The following FAM221A variants were observed in gnomAD, a reference collection of about 807,000 sequenced individuals.
FAM221A encodes the protein protein FAM221A.
FAM221A carries 43 observed loss-of-function variants against 37.6 expected under a neutral mutation model. That is an observed-to-expected ratio of 1.15 (90% CI 0.90 to 1.48). The LOEUF is 1.48. Ranked by LOEUF, FAM221A falls within the 40% of genes most tolerant of loss-of-function variation. The pLI is 0.00. For missense variants in FAM221A, 361 were observed against 361.5 expected (o/e 1.00, Z 0.01); for synonymous variants, 135 against 132.9 (o/e 1.02, Z -0.11).
rs1386533372 is a variant in FAM221A, at chr7:23,701,238, C to CTT, written c.828+388_828+389dup. 1.2e-3 allele frequency among the ~76,000 whole-genome samples: 63 copies of CTT among 52,308 alleles called. 1 individual carries two copies. The highest frequency in any genetic ancestry group is 2.2e-3 in the African/African-American group (46 of 20,790). 34.3% of individuals were successfully genotyped at this position (52,308 alleles called of 152,430 possible). On this transcript the variant is annotated intron_variant, in intron 6 of 6. Coordinates refer to ENST00000344962, the MANE Select transcript of FAM221A (RefSeq NM_199136.5). ...AAAGATTGAATATATTTTGAATTCT[C>CTT]TTTTTTTTTTTTTTTTTTTGAGACG...
chr7:23,691,494 G>GA lies in FAM221A; in HGVS notation c.540dup (p.Pro181ThrfsTer29), dbSNP rs772334819. Reference sequence around the variant, plus strand: ...AACTAAGCAAGAAAGATTGGCTCAGGAAAAACCAGTGGGACAGGACATTCC... The same window carrying GA: ...AACTAAGCAAGAAAGATTGGCTCAGGAAAAAACCAGTGGGACAGGACATTCC... On this transcript the variant is annotated frameshift_variant, in exon 4 of 7. Coordinates refer to ENST00000344962, the MANE Select transcript of FAM221A (RefSeq NM_199136.5). LOFTEE classifies it high-confidence loss of function. The GA allele has an allele frequency of 3.3e-5, 53 of 1,614,090 alleles. No individual in the cohort carries two copies. The highest frequency in any genetic ancestry group is 3.2e-5 in the Non-Finnish European group (38 of 1,180,040).
At position 23,684,590 on chromosome 7, in the gene FAM221A, A is replaced by G; in HGVS notation, c.157A>G (p.Arg53Gly). Residue 53 changes from arginine to glycine, a missense_variant, in exon 2 of 7, where the codon AGA becomes GGA. Arg to Gly is a moderately radical substitution (Grantham distance 125). Coordinates refer to ENST00000344962, the MANE Select transcript of FAM221A (RefSeq NM_199136.5). ...RKVLPLRLQN[R>G]LFVSWRSPTG... ...AGTTTTACCTCTGCGCTTACAAAACAGATTATTTGTGAGCTGGCGGTCACC... is the reference window on the plus strand; with the variant it reads ...AGTTTTACCTCTGCGCTTACAAAACGGATTATTTGTGAGCTGGCGGTCACC... 6.2e-7 allele frequency: 1 copy of G among 1,614,198 alleles called. No homozygotes were observed. The highest frequency in any genetic ancestry group is 8.5e-7 in the Non-Finnish European group (1 of 1,180,002).
intron 5 of FAM221A, among the ~76,000 whole-genome samples, chr7:23,700,305 C>T (rs571105965): frequency 6.6e-6 from 1 of 152,300 alleles, no homozygotes; most frequent in South Asian, 2.1e-4. Flanking sequence ...TTCAAAAGTT[C>T]CTTTCAGCAT....
At chr7:23,698,839 C>A (rs1037126829) in intron 5 of FAM221A, among the ~76,000 whole-genome samples, 4 of 151,972 alleles carry the variant, frequency 2.6e-5, no homozygotes, top group African/African-American at 9.7e-5. Context: ...TTTCATACAC[C>A]TAGACGTTCC....
chr7:23,692,877 A>G, intron 4 of FAM221A: 2 of 452,618 alleles, frequency 4.4e-6, no homozygotes, highest in Non-Finnish European at 5.8e-6. Flanking sequence ...CTATGGTGGT[A>G]GGCTAGGTTT....
At chr7:23,687,581 G>C (rs1189503543) in intron 2 of FAM221A, 1 of 150,626 alleles carries the variant, frequency 6.6e-6, no homozygotes, top group African/African-American at 2.4e-5. Flanking sequence ...CTGGTTCAAA[G>C]AATGGACCTT....
intron 1 of FAM221A, among the ~76,000 whole-genome samples, chr7:23,683,197 GA>G (rs1247696346): frequency 6.6e-6 from 1 of 152,122 alleles, no homozygotes; most frequent in Admixed American, 6.6e-5. Flanking sequence ...TTCAGTTTTG[GA>G]AAAACTTCTT....
intron 1 of FAM221A, 73 bp downstream of exon 1, chr7:23,680,356 AG>A (rs1423496998): frequency 3.8e-6 from 5 of 1,320,458 alleles, no homozygotes; most frequent in Admixed American, 5.2e-5. Context: ...GGGCGCGAGC[AG>A]GGGCCCGGCG....
rs1481434903 is a variant in FAM221A at position 23,692,801 on chromosome 7, A to G, written c.637+1205A>G. On this transcript the variant is annotated intron_variant, in intron 4 of 6. Transcript: ENST00000344962. ...AATTAATTTTTCTCTTTAACATACA[A>G]TTTTACTATTTACTTTTTAATTTTT... The G allele has an allele frequency of 4.6e-6, 4 of 870,582 alleles. No individual in the cohort carries two copies. In the African/African-American group the frequency reaches 5.4e-5, roughly 12 times the overall value. 53.9% of individuals were successfully genotyped at this position (870,582 alleles called of 1,614,324 possible).
Position 23,702,292 on chromosome 7 carries a change from G to T in FAM221A, c.*128G>T. The T allele has an allele frequency of 3.9e-6, 2 of 509,756 alleles. No individual in the cohort carries two copies. The highest frequency in any genetic ancestry group is 4.2e-5 in the Admixed American group (1 of 23,814). 31.6% of individuals were successfully genotyped at this position (509,756 alleles called of 1,614,324 possible). The stretch of plus-strand genomic sequence containing the variant: ...TTACTGTATAAATGTCTTTTGGGAT[G>T]TTTCCTTAATTTATTTAAATAACTA... On this transcript the variant is annotated 3_prime_UTR_variant, in exon 7 of 7. Transcript: ENST00000344962.
At chr7:23,680,309 C>T in intron 1 of FAM221A, 26 bp downstream of exon 1, 2 of 1,513,528 alleles carry the variant, frequency 1.3e-6, no homozygotes, top group Non-Finnish European at 1.8e-6. Context: ...CGGGCCTGCC[C>T]CCCCGCCGCT....
chr7:23,689,526 G>T, intron 3 of FAM221A, 67 bp downstream of exon 3: 2 of 1,210,516 alleles, frequency 1.7e-6, no homozygotes, highest in Non-Finnish European at 2.2e-6. Flanking sequence ...TATTTAACGT[G>T]CTTTTTTACT....
rs1027403299 is a variant in FAM221A, at chr7:23,686,316, T to C, written c.239+1644T>C. The C allele has an allele frequency of 7.4e-5, 32 of 430,350 alleles. No homozygotes were observed. The Admixed American group carries it at 8.3e-4, about 11-fold the overall frequency. 26.7% of individuals were successfully genotyped at this position (430,350 alleles called of 1,614,324 possible). On this transcript the variant is annotated intron_variant, in intron 2 of 6. Transcript: ENST00000344962. ...TCTTACTCTGTCACTCAGGTTGGAG[T>C]GCAGTGGCACGATCTTGGCTCATTG...
At chr7:23,685,105 C>T (rs779973674) in intron 2 of FAM221A, among the ~76,000 whole-genome samples, 3 of 152,020 alleles carry the variant, frequency 2.0e-5, no homozygotes, top group East Asian at 1.9e-4. Flanking sequence ...AAAAATTAGC[C>T]GGGCGTGGTG....
chr7:23,701,750 A>C (rs540951952), intron 6 of FAM221A, among the ~76,000 whole-genome samples: 1 of 152,344 alleles, frequency 6.6e-6, no homozygotes, highest in Non-Finnish European at 1.5e-5. Flanking sequence ...TCCACGTTCC[A>C]GAGAGAATCC....
At chr7:23,692,890 A>G (rs1784833888) in intron 4 of FAM221A, 1 of 315,420 alleles carries the variant, frequency 3.2e-6, no homozygotes, top group Non-Finnish European at 4.6e-6. Context: ...CTAGGTTTGA[A>G]CTCCTGGGTT....
At chr7:23,696,087 C>A (rs1354290667) in intron 4 of FAM221A, among the ~76,000 whole-genome samples, 1 of 152,122 alleles carries the variant, frequency 6.6e-6, no homozygotes, top group Non-Finnish European at 1.5e-5. Flanking sequence ...CTTACATAAA[C>A]CTAGATGGTA....
At chr7:23,692,682 G>A (rs1784822660) in intron 4 of FAM221A, 1 of 984,724 alleles carries the variant, frequency 1.0e-6, no homozygotes. Flanking sequence ...TCAAACAATA[G>A]AAATTAAGTG....
At chr7:23,689,155 A>G in intron 2 of FAM221A, 114 bp from the exon 3 acceptor site, 1 of 650,612 alleles carries the variant, frequency 1.5e-6, no homozygotes, top group Non-Finnish European at 2.4e-6. Flanking sequence ...TACTATGAAG[A>G]ATAATAAAGC....
Sources: allele counts gnomAD v4.1 joint callset (sites outside exome capture counted in the v4.1 genomes callset), GRCh38; gene constraint gnomAD v4.1.1; transcripts MANE v1.5; gene names NCBI Gene and HGNC (gene_info 2026-07-23, HGNC 2026-07-21).